GABBR2: variants seen among roughly 807,000 people sequenced by gnomAD.
The protein encoded by GABBR2 is G-protein coupled receptor 51.
A neutral mutation model predicts 105.6 loss-of-function variants in GABBR2; 23 were observed. The ratio of observed to expected loss-of-function variants is 0.22; its 90% CI spans 0.16 to 0.31. GABBR2 has a LOEUF of 0.31. Among genes scored for constraint, GABBR2 ranks in the 10% least tolerant of loss-of-function variants. GABBR2 has a pLI of 1.00. For synonymous variants in GABBR2, 478 were observed against 499.7 expected (o/e 0.96, Z 0.58); for missense variants, 734 against 1,245.5 (o/e 0.59, Z 6.18).
chr9:98,307,296 G>A (rs1402775036), intron 14 of GABBR2, among the ~76,000 whole-genome samples: 1 of 152,154 alleles, frequency 6.6e-6, no homozygotes, highest in African/African-American at 2.4e-5. Flanking sequence ...GGGTGTCGAG[G>A]GTTTAACCCT....
chr9:98,310,393 C>A (rs990331940), intron 14 of GABBR2, among the ~76,000 whole-genome samples: 1 of 147,946 alleles, frequency 6.8e-6, no homozygotes, highest in Non-Finnish European at 1.5e-5. Context: ...GGATTACAGG[C>A]GCCCACAACC....
intron 2 of GABBR2, among the ~76,000 whole-genome samples, chr9:98,553,081 G>A (rs1304445064): frequency 2.6e-5 from 4 of 151,718 alleles, no homozygotes; most frequent in South Asian, 2.1e-4. Context: ...CAGGGGTCTC[G>A]CTATTTTGCC....
intron 1 of GABBR2, among the ~76,000 whole-genome samples, chr9:98,685,256 T>A (rs1830606073): frequency 6.6e-6 from 1 of 152,258 alleles, no homozygotes; most frequent in South Asian, 2.1e-4. Context: ...ACCAGTGGTT[T>A]GGCAGGGGCT....
At chr9:98,509,794 T>C (rs13286089) in intron 3 of GABBR2, among the ~76,000 whole-genome samples, 52,611 of 152,124 alleles carry the variant, frequency 0.35, 9,369 homozygotes, top group Middle Eastern at 0.5. Flanking sequence ...CTATGTCTGA[T>C]TGGTGTACCT....
chr9:98,469,801 G>A (rs1826631449), intron 6 of GABBR2, among the ~76,000 whole-genome samples: 1 of 152,184 alleles, frequency 6.6e-6, no homozygotes. Flanking sequence ...ACAATAGTGA[G>A]GATGACAAGA....
intron 1 of GABBR2, among the ~76,000 whole-genome samples, chr9:98,591,777 C>T (rs375322384): frequency 2.0e-5 from 3 of 152,110 alleles, no homozygotes; most frequent in Admixed American, 6.5e-5. Flanking sequence ...GGAAAGAGAT[C>T]GAAGAAAGAA....
chr9:98,360,651 T>C (rs1831566231), intron 13 of GABBR2, among the ~76,000 whole-genome samples: 1 of 152,174 alleles, frequency 6.6e-6, no homozygotes, highest in Admixed American at 6.5e-5. Flanking sequence ...CACAGAGCCA[T>C]TGATAGCAGC....
intron 2 of GABBR2, among the ~76,000 whole-genome samples, chr9:98,555,130 CTTAAAAG>C (rs1828562823): frequency 6.6e-6 from 1 of 152,210 alleles, no homozygotes; most frequent in African/African-American, 2.4e-5. Context: ...AATTTCTAGA[CTTAAAAG>C]TTACAAGAAC....
chr9:98,432,760 G>A (rs1026191097), intron 7 of GABBR2, among the ~76,000 whole-genome samples: 1 of 152,122 alleles, frequency 6.6e-6, no homozygotes, highest in African/African-American at 2.4e-5. Context: ...ACCATGCCAG[G>A]CACCATCTCC....
chr9:98,398,093 C>A (rs1168505454), intron 8 of GABBR2, among the ~76,000 whole-genome samples: 1 of 152,132 alleles, frequency 6.6e-6, no homozygotes, highest in African/African-American at 2.4e-5. Context: ...TGTCTATATC[C>A]AGTCTGTATC....
chr9:98,661,404 T>C lies in GABBR2; in HGVS notation c.321+47013A>G, dbSNP rs545320700. On this transcript the variant is annotated intron_variant, in intron 1 of 18. Transcript: ENST00000259455. Reference sequence around the variant, plus strand: ...TTTGTGTATTGAGACGTGTTGACTTTTCCCCCACCCCCCCGATATGGAGTC... The same window carrying C: ...TTTGTGTATTGAGACGTGTTGACTTCTCCCCCACCCCCCCGATATGGAGTC... Among the ~76,000 whole-genome samples the C allele has an allele frequency of 9.9e-5, 15 of 151,362 alleles. No individual in the cohort carries two copies. In the South Asian group the frequency reaches 1.9e-3, roughly 19 times the overall value.
chr9:98,575,303 G>A lies in GABBR2; in HGVS notation c.459+2632C>T, dbSNP rs1174968109. ...GAATGGGCAGCACTTGATACACTGG[G>A]TATAGGAAGAATGGGATGTTTTGGG... On this transcript the variant is annotated intron_variant, in intron 2 of 18. Coordinates refer to ENST00000259455, the MANE Select transcript of GABBR2 (RefSeq NM_005458.8). Among the ~76,000 whole-genome samples the A allele has an allele frequency of 5.3e-5, 8 of 152,296 alleles. No homozygotes were observed. The East Asian group carries it at 1.5e-3, about 29-fold the overall frequency.
intron 4 of GABBR2, among the ~76,000 whole-genome samples, chr9:98,492,397 A>C (rs973181555): frequency 7.8e-6 from 1 of 128,004 alleles, no homozygotes; most frequent in African/African-American, 2.7e-5. Flanking sequence ...GAAAACAGAA[A>C]AATTGTGGAG....
In GABBR2 at chr9:98,643,204, C is replaced by A. The variant is rs899937393; in HGVS notation, c.322-65132G>T. On this transcript the variant is annotated intron_variant, in intron 1 of 18. Coordinates refer to ENST00000259455, the MANE Select transcript of GABBR2 (RefSeq NM_005458.8). ...GGGAGCTGAGATATTCACCCACCAA[C>A]CCTGCCAGCCACTGCTGTGAGATCC... 2.0e-5 allele frequency among the ~76,000 whole-genome samples: 3 copies of A among 152,366 alleles called. No homozygotes were observed. In the East Asian group the frequency reaches 5.8e-4, roughly 29 times the overall value.
intron 13 of GABBR2, among the ~76,000 whole-genome samples, chr9:98,335,261 C>T (rs543852052): frequency 6.6e-6 from 1 of 152,258 alleles, no homozygotes; most frequent in Admixed American, 6.5e-5. Flanking sequence ...CATGAACTCC[C>T]CAGGTGGGCC....
Position 98,295,930 on chromosome 9 carries a change from C to G in GABBR2, c.2543-2028G>C, listed in dbSNP as rs189585439. 3.4e-3 allele frequency among the ~76,000 whole-genome samples: 514 copies of G among 152,312 alleles called. 5 individuals are homozygous for G. Among genetic ancestry groups the G allele is most frequent in the Middle Eastern group, 0.017 (5 of 294 alleles). On this transcript the variant is annotated intron_variant, in intron 17 of 18. Coordinates refer to ENST00000259455, the MANE Select transcript of GABBR2 (RefSeq NM_005458.8). Reference sequence around the variant, plus strand: ...TCAGCCTGTGAGAGATTCCCAGGAACTAATCCTGTATAGGAGCAATGGTTC... The same window carrying G: ...TCAGCCTGTGAGAGATTCCCAGGAAGTAATCCTGTATAGGAGCAATGGTTC...
At position 98,478,620 on chromosome 9, in the gene GABBR2, A is replaced by C. The variant is rs373194558; in HGVS notation, c.798+2312T>G. On this transcript the variant is annotated intron_variant, in intron 5 of 18. Coordinates refer to ENST00000259455, the MANE Select transcript of GABBR2 (RefSeq NM_005458.8). ...CCCCGTACCATGTGGAAGGCAGACA[A>C]GCCAGGGGGCTTTGGGTTGAAAGGT... 1.1e-4 allele frequency among the ~76,000 whole-genome samples: 17 copies of C among 152,322 alleles called. No homozygotes were observed. The East Asian group carries it at 3.1e-3, about 28-fold the overall frequency.
At chr9:98,492,437 C>T (rs1035968831) in intron 4 of GABBR2, among the ~76,000 whole-genome samples, 19 of 146,600 alleles carry the variant, frequency 1.3e-4, no homozygotes, top group African/African-American at 4.5e-4. Context: ...TACAACCCCT[C>T]ATCCAGTTTT....
At chr9:98,577,447 G>A (rs1165176061) in intron 2 of GABBR2, among the ~76,000 whole-genome samples, 3 of 152,224 alleles carry the variant, frequency 2.0e-5, no homozygotes, top group Non-Finnish European at 2.9e-5. Flanking sequence ...GAGGACAAAG[G>A]CAGTCGTAGA....
Sources: allele counts gnomAD v4.1 joint callset (sites outside exome capture counted in the v4.1 genomes callset), GRCh38; gene constraint gnomAD v4.1.1; transcripts MANE v1.5; gene names NCBI Gene and HGNC (gene_info 2026-07-23, HGNC 2026-07-21).